The following LMBR1 variants were observed in gnomAD, a reference collection of about 807,000 sequenced individuals.
LMBR1 encodes limb development membrane protein 1.
In LMBR1, 52 loss-of-function variants were observed where a neutral mutation model predicts 73.9. The observed-to-expected ratio is 0.70, with a 90% CI of 0.56 to 0.89. LMBR1 has a LOEUF of 0.89. LMBR1 is among the 40% of genes least tolerant of loss of function. The pLI is 0.00. For missense variants in LMBR1, 539 were observed against 579.8 expected (o/e 0.93, Z 0.72); for synonymous variants, 215 against 209.4 (o/e 1.03, Z -0.23).
At chr7:156,806,746 G>A (rs533293429) in intron 4 of LMBR1, among the ~76,000 whole-genome samples, 1 of 151,758 alleles carries the variant, frequency 6.6e-6, no homozygotes, top group African/African-American at 2.4e-5. Context: ...CGAATAGCTG[G>A]GACTACAGGT....
At chr7:156,846,363 C>A (rs1350607655) in intron 1 of LMBR1, among the ~76,000 whole-genome samples, 2 of 118,588 alleles carry the variant, frequency 1.7e-5, no homozygotes, top group Non-Finnish European at 3.6e-5. Context: ...CCACTACACT[C>A]CAGCCTGGCA....
At chr7:156,688,000 G>A (rs781517113) in intron 16 of LMBR1, 30 bp downstream of exon 16, 1 of 1,519,670 alleles carries the variant, frequency 6.6e-7, no homozygotes, top group African/African-American at 1.4e-5. Flanking sequence ...AGTAGAAAGA[G>A]GAAAAAATAC....
intron 5 of LMBR1, among the ~76,000 whole-genome samples, chr7:156,786,561 T>C (rs1305985243): frequency 2.0e-5 from 3 of 152,138 alleles, no homozygotes; most frequent in African/African-American, 7.2e-5. Flanking sequence ...GTAGCCAAAA[T>C]AGAATAGACT....
At position 156,728,629 on chromosome 7, in the gene LMBR1, C is replaced by A. The variant is rs1300761277; in HGVS notation, c.915+15G>T. The A allele has an allele frequency of 6.4e-7, 1 of 1,559,508 alleles. No individual in the cohort carries two copies. The highest frequency in any genetic ancestry group is 2.3e-5 in the East Asian group (1 of 43,578). ...TATAATTTGCTTTTATTTAACTAGG[C>A]AAATAAATTCTTACTGTCTCAATAA... On this transcript the variant is annotated intron_variant, in intron 11 of 16. Transcript: ENST00000353442.
chr7:156,824,596 A>G (rs1835348030), intron 4 of LMBR1, among the ~76,000 whole-genome samples: 1 of 152,218 alleles, frequency 6.6e-6, no homozygotes, highest in Non-Finnish European at 1.5e-5. Context: ...TAGTCCCGGC[A>G]CTTTGGGAGG....
intron 4 of LMBR1, among the ~76,000 whole-genome samples, chr7:156,796,849 C>G (rs1830130010): frequency 1.3e-5 from 2 of 152,180 alleles, no homozygotes; most frequent in Non-Finnish European, 1.5e-5. Context: ...ATGCCAGATA[C>G]TCTACTGAAC....
chr7:156,766,745 T>A (rs1205567485), intron 5 of LMBR1, among the ~76,000 whole-genome samples: 1 of 152,010 alleles, frequency 6.6e-6, no homozygotes, highest in Non-Finnish European at 1.5e-5. Flanking sequence ...TAGCTGCTGG[T>A]GACAGTCTGC....
chr7:156,885,760 T>C (rs147749111), intron 1 of LMBR1, among the ~76,000 whole-genome samples: 2 of 152,032 alleles, frequency 1.3e-5, no homozygotes, highest in East Asian at 3.9e-4. Context: ...GCACCTATAA[T>C]CCCAGCTACT....
At chr7:156,791,632 A>G (rs964520975) in intron 5 of LMBR1, among the ~76,000 whole-genome samples, 1 of 152,236 alleles carries the variant, frequency 6.6e-6, no homozygotes, top group Non-Finnish European at 1.5e-5. Context: ...ACCAGCACAG[A>G]ACTCTTCGCT....
At chr7:156,689,490 C>G (rs1009046363) in intron 15 of LMBR1, among the ~76,000 whole-genome samples, 1 of 152,150 alleles carries the variant, frequency 6.6e-6, no homozygotes, top group Non-Finnish European at 1.5e-5. Flanking sequence ...GCATAATCTA[C>G]TACAGATAGC....
At chr7:156,845,743 G>C (rs924376341) in intron 1 of LMBR1, among the ~76,000 whole-genome samples, 1 of 151,146 alleles carries the variant, frequency 6.6e-6, no homozygotes. Context: ...TTGAACTCCT[G>C]GGCTCAAGTG....
chr7:156,779,521 T>G, intron 5 of LMBR1: 1 of 246,504 alleles, frequency 4.1e-6, no homozygotes, highest in Non-Finnish European at 8.3e-6. Context: ...AGATTTCTTT[T>G]AGATTTAAAT....
chr7:156,699,953 G>A (rs1444411642), intron 15 of LMBR1, among the ~76,000 whole-genome samples: 1 of 151,832 alleles, frequency 6.6e-6, no homozygotes, highest in Non-Finnish European at 1.5e-5. Context: ...TACTGTTGGT[G>A]GGACTGTCAA....
intron 4 of LMBR1, among the ~76,000 whole-genome samples, chr7:156,817,615 A>G (rs904567037): frequency 7.9e-5 from 12 of 152,150 alleles, no homozygotes; most frequent in Admixed American, 1.3e-4. Flanking sequence ...ACAACTACCA[A>G]TGAAATGTGG....
chr7:156,881,268 G>C (rs1801042716), intron 1 of LMBR1, among the ~76,000 whole-genome samples: 1 of 152,138 alleles, frequency 6.6e-6, no homozygotes, highest in African/African-American at 2.4e-5. Context: ...AACAAATGGT[G>C]TTGGGAAAAC....
In LMBR1 at chr7:156,846,232, C is replaced by T. The variant is rs532237028; in HGVS notation, c.67-9347G>A. On this transcript the variant is annotated intron_variant, in intron 1 of 16. Transcript: ENST00000353442. Reference sequence around the variant, plus strand: ...AAGGCTGCAGTGCACAGCTATTGCTCATGCCACTGCACTCCAGCCTGGATG... The same window carrying T: ...AAGGCTGCAGTGCACAGCTATTGCTTATGCCACTGCACTCCAGCCTGGATG... Among the ~76,000 whole-genome samples the T allele has an allele frequency of 1.1e-4, 17 of 152,222 alleles. No homozygotes were observed. In the South Asian group the frequency reaches 2.9e-3, roughly 26 times the overall value.
In LMBR1 at chr7:156,681,085, T is replaced by TAAAA; in HGVS notation, c.*2989_*2992dup. ...GTCGGTGCTGCATCTATGTTCACAT[T>TAAAA]AAAAAAAAAAACTTGTAAGAATTCT... On this transcript the variant is annotated 3_prime_UTR_variant, in exon 17 of 17. Transcript: ENST00000353442. The TAAAA allele has an allele frequency of 5.3e-6, 2 of 380,626 alleles. No individual in the cohort carries two copies. The highest frequency in any genetic ancestry group is 8.3e-5 in the East Asian group (1 of 12,102). 23.6% of individuals were successfully genotyped at this position (380,626 alleles called of 1,614,324 possible).
chr7:156,765,315 G>T (rs1474436997), intron 5 of LMBR1, among the ~76,000 whole-genome samples: 1 of 152,140 alleles, frequency 6.6e-6, no homozygotes, highest in Non-Finnish European at 1.5e-5. Flanking sequence ...ATGATATTGA[G>T]TGAGTTCTCA....
At chr7:156,829,724 G>A (rs1836330470) in intron 3 of LMBR1, among the ~76,000 whole-genome samples, 1 of 151,794 alleles carries the variant, frequency 6.6e-6, no homozygotes, top group South Asian at 2.1e-4. Context: ...TCCCGTTTCA[G>A]AATGAAAAAA....
Sources: gnomAD v4.1 joint callset for allele counts (sites outside exome capture counted in the v4.1 genomes callset) on GRCh38, gnomAD v4.1.1 for gene constraint, MANE v1.5 for transcripts, NCBI Gene and HGNC (gene_info 2026-07-23, HGNC 2026-07-21) for gene names.